The following SLC35F3 variants were observed in gnomAD, a reference collection of about 807,000 sequenced individuals.
SLC35F3 encodes the protein putative thiamine transporter SLC35F3.
Under a neutral mutation model 49.9 loss-of-function variants are expected in SLC35F3, and 25 were observed. That is an observed-to-expected ratio of 0.50 (90% CI 0.37 to 0.70). SLC35F3 has a LOEUF of 0.70. Ranked by LOEUF, SLC35F3 falls within the 30% of genes least tolerant of loss-of-function variation. The pLI is 0.00. For missense variants in SLC35F3, 525 were observed against 639.8 expected (o/e 0.82, Z 1.94); for synonymous variants, 275 against 265.4 (o/e 1.04, Z -0.35).
At chr1:234,099,607 T>TA (rs34510298) in intron 2 of SLC35F3, among the ~76,000 whole-genome samples, 34,917 of 87,212 alleles carry the variant, frequency 0.4, 6,332 homozygotes, top group Non-Finnish European at 0.46. Context: ...AGACTCTGTC[T>TA]AAAAAAAAAA....
Position 234,074,614 on chromosome 1 carries a change from T to C in SLC35F3, c.284-156803T>C, listed in dbSNP as rs545742292. On this transcript the variant is annotated intron_variant, in intron 2 of 7. Coordinates refer to ENST00000366618, the MANE Select transcript of SLC35F3 (RefSeq NM_173508.4). ...AAGGCAAGACAGGCAGGGGTGGAGC[T>C]CAAGCGGAATTTTAAAGGTTTCAAA... Among the ~76,000 whole-genome samples, 13 of 152,080 alleles carry C rather than the reference T, an allele frequency of 8.5e-5. No homozygotes were observed. In the South Asian group the frequency reaches 2.3e-3, roughly 27 times the overall value.
chr1:234,054,758 C>G (rs76406116), intron 2 of SLC35F3, among the ~76,000 whole-genome samples: 2 of 152,216 alleles, frequency 1.3e-5, no homozygotes, highest in African/African-American at 2.4e-5. Context: ...GCTCTGGTTT[C>G]TCCCCATCTT....
chr1:234,272,819 C>T (rs1393007147), intron 3 of SLC35F3, among the ~76,000 whole-genome samples: 1 of 152,110 alleles, frequency 6.6e-6, no homozygotes, highest in African/African-American at 2.4e-5. Context: ...CTGCCTGCCC[C>T]TGTTTGTTGT....
intron 2 of SLC35F3, among the ~76,000 whole-genome samples, chr1:234,229,965 C>A (rs766008432): frequency 3.9e-5 from 6 of 152,230 alleles, no homozygotes; most frequent in Non-Finnish European, 8.8e-5. Context: ...TTCTGCCCTG[C>A]AGCCCATGCA....
intron 2 of SLC35F3, among the ~76,000 whole-genome samples, chr1:234,139,965 A>AAAAT (rs1665871314): frequency 1.1e-4 from 14 of 130,380 alleles, no homozygotes; most frequent in African/African-American, 1.2e-4. Flanking sequence ...AAAATAAAAT[A>AAAAT]AAATAAAATA....
intron 2 of SLC35F3, among the ~76,000 whole-genome samples, chr1:234,126,049 A>G (rs1400383137): frequency 6.6e-6 from 1 of 152,244 alleles, no homozygotes; most frequent in Non-Finnish European, 1.5e-5. Context: ...GGGGATTTTA[A>G]TAGTACCCAG....
At chr1:233,971,452 A>G (rs1662990735) in intron 2 of SLC35F3, among the ~76,000 whole-genome samples, 1 of 152,236 alleles carries the variant, frequency 6.6e-6, no homozygotes, top group South Asian at 2.1e-4. Context: ...GCGGTGGCTC[A>G]CGCACAGGCG....
chr1:233,952,178 T>C (rs922430750), intron 2 of SLC35F3, among the ~76,000 whole-genome samples: 3 of 152,200 alleles, frequency 2.0e-5, no homozygotes, highest in Non-Finnish European at 2.9e-5. Flanking sequence ...CTTGAAGATA[T>C]AGTTTCTTCA....
chr1:234,273,169 G>A (rs1469795856), intron 3 of SLC35F3, among the ~76,000 whole-genome samples: 1 of 152,192 alleles, frequency 6.6e-6, no homozygotes, highest in Non-Finnish European at 1.5e-5. Flanking sequence ...CTCTGGAGTT[G>A]GCACTCCTAC....
chr1:234,143,166 A>G (rs1665942448), intron 2 of SLC35F3, among the ~76,000 whole-genome samples: 1 of 150,930 alleles, frequency 6.6e-6, no homozygotes, highest in Non-Finnish European at 1.5e-5. Flanking sequence ...TCTAACTGCA[A>G]CTCTGTACCC....
Position 233,996,668 on chromosome 1 carries a change from G to A in SLC35F3, c.283+90910G>A, listed in dbSNP as rs182646038. 9.0e-3 allele frequency among the ~76,000 whole-genome samples: 1,376 copies of A among 152,278 alleles called. 22 individuals carry two copies. The highest frequency in any genetic ancestry group is 0.032 in the African/African-American group (1,335 of 41,538). ...TCATTTTCACTCACACATAGGGTGT[G>A]TCCAAGGGTATTCCACTCTACAATG... On this transcript the variant is annotated intron_variant, in intron 2 of 7. Transcript: ENST00000366618.
intron 2 of SLC35F3, among the ~76,000 whole-genome samples, chr1:233,916,262 CTTAT>C (rs1394707376): frequency 6.6e-6 from 1 of 152,080 alleles, no homozygotes; most frequent in African/African-American, 2.4e-5. Flanking sequence ...ATTTCATTTA[CTTAT>C]TTATTTATTT....
intron 2 of SLC35F3, among the ~76,000 whole-genome samples, chr1:234,197,856 C>T (rs144770316): frequency 6.6e-6 from 1 of 152,358 alleles, no homozygotes; most frequent in Non-Finnish European, 1.5e-5. Flanking sequence ...GCAGCAATAA[C>T]ACATCTGTTG....
At chr1:233,961,549 TG>T (rs891191914) in intron 2 of SLC35F3, among the ~76,000 whole-genome samples, 15 of 150,770 alleles carry the variant, frequency 9.9e-5, no homozygotes, top group African/African-American at 3.7e-4. Context: ...CTCTGCCTCC[TG>T]GGTTCCAGCG....
intron 2 of SLC35F3, among the ~76,000 whole-genome samples, chr1:234,182,900 A>AAAGGAGCACTCAGT (rs1348184387): frequency 1.4e-5 from 2 of 144,276 alleles, no homozygotes. Flanking sequence ...TTTCTATACA[A>AAAGGAGCACTCAGT]TCATTGGTCT....
intron 3 of SLC35F3, among the ~76,000 whole-genome samples, chr1:234,299,419 T>C (rs1295474774): frequency 6.6e-6 from 1 of 152,134 alleles, no homozygotes; most frequent in Admixed American, 6.5e-5. Flanking sequence ...GTCAAGGTGA[T>C]CCTCATGCCA....
intron 2 of SLC35F3, among the ~76,000 whole-genome samples, chr1:234,131,858 A>G (rs10910353): frequency 0.39 from 58,575 of 151,934 alleles, 13,247 homozygotes; most frequent in Non-Finnish European, 0.52. Flanking sequence ...ATCACTTACC[A>G]CTTTTTTTAA....
intron 2 of SLC35F3, among the ~76,000 whole-genome samples, chr1:234,079,622 A>G (rs1664845332): frequency 6.6e-6 from 1 of 152,242 alleles, no homozygotes; most frequent in Non-Finnish European, 1.5e-5. Flanking sequence ...TCAAGAAGAT[A>G]CACAAATGAT....
intron 2 of SLC35F3, among the ~76,000 whole-genome samples, chr1:234,107,481 C>A (rs1230933340): frequency 6.6e-6 from 1 of 151,904 alleles, no homozygotes; most frequent in Non-Finnish European, 1.5e-5. Context: ...TTGCTATTAC[C>A]GGGGAGTAAA....
Sources: gnomAD v4.1 joint callset for allele counts (sites outside exome capture counted in the v4.1 genomes callset) on GRCh38, gnomAD v4.1.1 for gene constraint, MANE v1.5 for transcripts, NCBI Gene and HGNC (gene_info 2026-07-23, HGNC 2026-07-21) for gene names.